The following ANKRD62 variants were observed in gnomAD, a reference collection of about 807,000 sequenced individuals.
The protein encoded by ANKRD62 is ankyrin repeat domain-containing protein 62.
Under a neutral mutation model 98.8 loss-of-function variants are expected in ANKRD62, and 61 were observed. The observed-to-expected ratio is 0.62, with a 90% CI of 0.50 to 0.76. The LOEUF (loss-of-function observed/expected upper bound fraction) is 0.76, where lower values mean the gene tolerates loss of function less well. ANKRD62 is among the 30% of genes least tolerant of loss of function. The pLI, the probability that ANKRD62 is intolerant of heterozygous loss-of-function variation, is 0.00. For synonymous variants in ANKRD62, 341 were observed against 367.9 expected, an observed-to-expected ratio of 0.93 and a Z score of 0.84; for missense variants, 933 against 1,082.9, an observed-to-expected ratio of 0.86 and a Z score of 1.94.
the ANKRD62 span, among the ~76,000 whole-genome samples, chr18:12,159,163 G>A: frequency 6.6e-6 from 1 of 152,150 alleles, no homozygotes; most frequent in Admixed American, 6.5e-5. Flanking sequence ...ATATTTTGTA[G>A]TTAGACCCTG....
intron 6 of ANKRD62, 115 bp downstream of exon 6, chr18:12,099,797 T>C (rs1292823438): frequency 4.4e-6 from 2 of 456,430 alleles, no homozygotes; most frequent in East Asian, 3.5e-5. Context: ...AAATTGAATG[T>C]ATATTTTTTA....
intron 1 of ANKRD62, among the ~76,000 whole-genome samples, chr18:12,094,857 T>A (rs1484441874): frequency 1.3e-5 from 1 of 74,352 alleles, no homozygotes; most frequent in Non-Finnish European, 2.6e-5. Flanking sequence ...TCGAGTGGAG[T>A]GAGGGTTGGC....
At chr18:12,139,471 C>T in the ANKRD62 span, among the ~76,000 whole-genome samples, 3 of 151,834 alleles carry the variant, frequency 2.0e-5, no homozygotes, top group African/African-American at 2.4e-5. Flanking sequence ...GGTGAAACCC[C>T]GTCTCTACTA....
downstream of ANKRD62, among the ~76,000 whole-genome samples, chr18:12,132,777 AT>A (rs1910024798): frequency 6.6e-6 from 1 of 152,068 alleles, no homozygotes; most frequent in South Asian, 2.1e-4. Context: ...AGATTAATTG[AT>A]TTGGGGGAGA....
downstream of ANKRD62, among the ~76,000 whole-genome samples, chr18:12,133,423 G>A (rs529008377): frequency 3.3e-4 from 50 of 152,282 alleles, no homozygotes; most frequent in African/African-American, 9.4e-4. Context: ...GGGAATCGAG[G>A]TCAAATAGTA....
chr18:12,166,903 G>A, the ANKRD62 span, among the ~76,000 whole-genome samples: 1 of 151,596 alleles, frequency 6.6e-6, no homozygotes, highest in Non-Finnish European at 1.5e-5. Context: ...GCCCCAGTGT[G>A]TGATGTTCCC....
chr18:12,139,365 C>T, the ANKRD62 span, among the ~76,000 whole-genome samples: 1 of 152,162 alleles, frequency 6.6e-6, no homozygotes, highest in East Asian at 1.9e-4. Flanking sequence ...AATGTTGAAG[C>T]TGGGCACGGT....
At chr18:12,118,550 A>T (rs970268182) in intron 10 of ANKRD62, among the ~76,000 whole-genome samples, 14 of 151,334 alleles carry the variant, frequency 9.3e-5, no homozygotes, top group Admixed American at 7.9e-4. Flanking sequence ...CAGAGGTTGC[A>T]GTGAGCCAAG....
the ANKRD62 span, among the ~76,000 whole-genome samples, chr18:12,161,557 C>G: frequency 1.3e-4 from 20 of 152,124 alleles, no homozygotes; most frequent in Middle Eastern, 0.014. Flanking sequence ...GTCTTACAGT[C>G]CTTTTAAAAT....
the ANKRD62 span, among the ~76,000 whole-genome samples, chr18:12,159,089 T>C: frequency 6.6e-6 from 1 of 152,152 alleles, no homozygotes; most frequent in African/African-American, 2.4e-5. Context: ...TATAACGACC[T>C]ATTGAGTTTA....
At chr18:12,171,698 T>C in the ANKRD62 span, among the ~76,000 whole-genome samples, 1 of 152,218 alleles carries the variant, frequency 6.6e-6, no homozygotes, top group Non-Finnish European at 1.5e-5. Context: ...CTTGCTAGGT[T>C]GGGGAAGTTC....
intron 10 of ANKRD62, among the ~76,000 whole-genome samples, chr18:12,120,250 A>T (rs11663207): frequency 0.21 from 31,623 of 152,118 alleles, 4,243 homozygotes; most frequent in East Asian, 0.54. Flanking sequence ...ACTTCAGATT[A>T]CCTAGAAATT....
chr18:12,095,909 G>T (rs1433622873), intron 3 of ANKRD62, among the ~76,000 whole-genome samples: 2 of 152,150 alleles, frequency 1.3e-5, no homozygotes, highest in Non-Finnish European at 2.9e-5. Flanking sequence ...ATCACATCTG[G>T]ATTCCCTTGA....
chr18:12,156,146 C>G, the ANKRD62 span, among the ~76,000 whole-genome samples: 1 of 151,864 alleles, frequency 6.6e-6, no homozygotes, highest in East Asian at 1.9e-4. Flanking sequence ...CCGCCTGCTC[C>G]CCCTTTGCCT....
At chr18:12,098,751 C>T (rs1310264011) in intron 5 of ANKRD62, among the ~76,000 whole-genome samples, 2 of 152,110 alleles carry the variant, frequency 1.3e-5, no homozygotes, top group Non-Finnish European at 2.9e-5. Context: ...GAAAAAATAA[C>T]CACTTGCATC....
the ANKRD62 span, among the ~76,000 whole-genome samples, chr18:12,166,110 G>A: frequency 6.6e-6 from 1 of 151,988 alleles, no homozygotes; most frequent in Non-Finnish European, 1.5e-5. Context: ...AATGCCTGGA[G>A]GTAGTCTGTT....
the ANKRD62 span, among the ~76,000 whole-genome samples, chr18:12,163,881 AT>A: frequency 6.6e-6 from 1 of 152,038 alleles, no homozygotes. Context: ...GTCATGATGA[AT>A]GATTTTTTTA....
chr18:12,137,801 T>C, the ANKRD62 span, among the ~76,000 whole-genome samples: 93,305 of 152,006 alleles, frequency 0.61, 29,076 homozygotes, highest in Middle Eastern at 0.76. Context: ...GGAATTTATC[T>C]ATTTCTTCTT....
At chr18:12,156,870 A>G in the ANKRD62 span, among the ~76,000 whole-genome samples, 35 of 152,278 alleles carry the variant, frequency 2.3e-4, no homozygotes, top group Admixed American at 1.8e-3. Flanking sequence ...TAGGGTAGAA[A>G]AGTATTTTCC....
Sources: allele counts gnomAD v4.1 joint callset (sites outside exome capture counted in the v4.1 genomes callset), GRCh38; gene constraint gnomAD v4.1.1; transcripts MANE v1.5; gene names NCBI Gene and HGNC (gene_info 2026-07-23, HGNC 2026-07-21).